Variants in KIF21A observed in about 807,000 individuals in gnomAD.
KIF21A encodes kinesin-like protein KIF21A.
In KIF21A, 114 loss-of-function variants were observed where a neutral mutation model predicts 202.9. The observed-to-expected ratio is 0.56, with a 90% CI of 0.48 to 0.66. KIF21A has a LOEUF of 0.66. KIF21A is among the 30% of genes least tolerant of loss of function. The probability of loss-of-function intolerance (pLI) is 0.00; values close to 1 mark genes in which losing one functional copy is unlikely to be tolerated. For synonymous variants in KIF21A, 667 were observed against 670.8 expected, an observed-to-expected ratio of 0.99 and a Z score of 0.09; for missense variants, 1,677 against 1,994.9, an observed-to-expected ratio of 0.84 and a Z score of 3.04.
intron 1 of KIF21A, among the ~76,000 whole-genome samples, chr12:39,413,731 G>T (rs1953304037): frequency 6.6e-6 from 1 of 152,102 alleles, no homozygotes; most frequent in Admixed American, 6.5e-5. Flanking sequence ...CTATGATTGT[G>T]CCACTGTACT....
intron 1 of KIF21A, among the ~76,000 whole-genome samples, chr12:39,385,946 C>G (rs562551571): frequency 6.6e-6 from 1 of 152,148 alleles, no homozygotes. Flanking sequence ...GGTTACTGTA[C>G]TTTACAATTA....
rs534007786 is a variant in KIF21A, at chr12:39,399,975, T to C, written c.45-29714A>G. ...AAGAAGGGGGATAAATTGCCACCATTTATCATTTATATATTTATTCTATTT... is the reference window on the plus strand; with the variant it reads ...AAGAAGGGGGATAAATTGCCACCATCTATCATTTATATATTTATTCTATTT... On this transcript the variant is annotated intron_variant, in intron 1 of 37. Coordinates refer to ENST00000361418, the MANE Select transcript of KIF21A (RefSeq NM_001173464.2). 4.6e-5 allele frequency among the ~76,000 whole-genome samples: 7 copies of C among 152,320 alleles called. No individual in the cohort carries two copies. In the South Asian group the frequency reaches 1.5e-3, roughly 32 times the overall value.
rs1224374976 is a variant in KIF21A, at chr12:39,307,875, C to T, written c.4278-146G>A. The T allele has an allele frequency of 5.9e-6, 4 of 682,138 alleles. No individual in the cohort carries two copies. The African/African-American group carries it at 7.1e-5, about 12-fold the overall frequency. 42.3% of individuals were successfully genotyped at this position (682,138 alleles called of 1,614,324 possible). ...ATATGTATACTACCTAGCACAGCAC[C>T]TAACACAGAGTTGGTGCATATAAAT... On this transcript the variant is annotated intron_variant, in intron 33 of 37. Transcript: ENST00000361418.
intron 1 of KIF21A, among the ~76,000 whole-genome samples, chr12:39,390,105 C>A (rs9668320): frequency 1.3e-5 from 2 of 152,134 alleles, no homozygotes; most frequent in African/African-American, 4.8e-5. Flanking sequence ...ATACACCTAA[C>A]CTCCTATATA....
intron 32 of KIF21A, among the ~76,000 whole-genome samples, 191 bp downstream of exon 32, chr12:39,311,226 A>C (rs1249048217): frequency 6.6e-6 from 1 of 152,060 alleles, no homozygotes; most frequent in Non-Finnish European, 1.5e-5. Flanking sequence ...TGTATTCACA[A>C]AACATCAACA....
chr12:39,335,730 A>T (rs1054545692), intron 17 of KIF21A, among the ~76,000 whole-genome samples: 3 of 152,244 alleles, frequency 2.0e-5, no homozygotes, highest in African/African-American at 7.2e-5. Flanking sequence ...ATATGTTAGA[A>T]TGTGCTTCTA....
chr12:39,401,166 A>G (rs889548743), intron 1 of KIF21A, among the ~76,000 whole-genome samples: 1 of 152,198 alleles, frequency 6.6e-6, no homozygotes, highest in African/African-American at 2.4e-5. Flanking sequence ...TAAGTACCAC[A>G]AAAGAGAATC....
chr12:39,367,731 T>A (rs1305375687), intron 4 of KIF21A, 152 bp downstream of exon 4: 2 of 641,740 alleles, frequency 3.1e-6, no homozygotes, highest in Non-Finnish European at 5.4e-6. Flanking sequence ...ATATTCTGAT[T>A]TTTTAAATGT....
At chr12:39,393,108 A>G (rs534145762) in intron 1 of KIF21A, among the ~76,000 whole-genome samples, 1 of 150,594 alleles carries the variant, frequency 6.6e-6, no homozygotes, top group African/African-American at 2.4e-5. Context: ...TCTTCTGAAG[A>G]TCCTTCAGCC....
At chr12:39,311,390 A>T in intron 32 of KIF21A, 27 bp downstream of exon 32, 1 of 1,602,036 alleles carries the variant, frequency 6.2e-7, no homozygotes, top group Non-Finnish European at 8.5e-7. Flanking sequence ...AAGCTATTAA[A>T]TATCTGCATT....
rs1014776876 is a variant in KIF21A at position 39,340,222 on chromosome 12, C to A, written c.2253G>T (p.Gln751His). The A allele has an allele frequency of 6.2e-7, 1 of 1,613,022 alleles. No homozygotes were observed. Among genetic ancestry groups the A allele is most frequent in the African/African-American group, 1.3e-5 (1 of 74,842 alleles). Residue 751 changes from glutamine (Q) to histidine (H), a missense_variant, in exon 16 of 38, where the codon CAG becomes CAT. Around this residue, in one of 3 missense-constraint regions of KIF21A, gnomAD observed 966 missense variants for 1,180.9 expected, o/e 0.82. Coordinates refer to ENST00000361418, the MANE Select transcript of KIF21A (RefSeq NM_001173464.2). ...GCAATTTCTTCAATTGCTTTTCATA[C>A]TGAGACTGATTTTTAAGCAACCTTG... ...EHARLLKNQS[Q>H]YEKQLKKLQQ...
chr12:39,325,952 T>C (rs76927060), intron 25 of KIF21A, 59 bp from the exon 26 acceptor site: 146,899 of 1,338,088 alleles, frequency 0.11, 8,243 homozygotes, highest in East Asian at 0.14. Context: ...TAGAAAACTA[T>C]AGCTCCTCTA....
intron 1 of KIF21A, among the ~76,000 whole-genome samples, chr12:39,438,080 C>T (rs983887818): frequency 6.6e-6 from 1 of 152,124 alleles, no homozygotes; most frequent in African/African-American, 2.4e-5. Flanking sequence ...AATTCTGTTA[C>T]TTAGTGGTGA....
At chr12:39,361,987 G>A (rs910745915) in intron 7 of KIF21A, among the ~76,000 whole-genome samples, 1 of 152,082 alleles carries the variant, frequency 6.6e-6, no homozygotes, top group African/African-American at 2.4e-5. Context: ...TTAGATGTTG[G>A]GGGCAAATTT....
Position 39,344,539 on chromosome 12 carries a change from T to C in KIF21A, c.1712+1927A>G, listed in dbSNP as rs561327238. On this transcript the variant is annotated intron_variant, in intron 12 of 37. Transcript: ENST00000361418. ...TTAAGTTTACAGCCATACAACCACC[T>C]TATTCCAAACATTTGACCCAACATA... Among the ~76,000 whole-genome samples the C allele has an allele frequency of 2.6e-4, 39 of 152,284 alleles. 1 individual carries two copies. The South Asian group carries it at 5.0e-3, about 19-fold the overall frequency.
intron 1 of KIF21A, among the ~76,000 whole-genome samples, chr12:39,412,535 G>C (rs1446770205): frequency 6.6e-6 from 1 of 152,062 alleles, no homozygotes; most frequent in East Asian, 1.9e-4. Context: ...CGGGCAACAT[G>C]GTGAAACCCT....
intron 1 of KIF21A, among the ~76,000 whole-genome samples, chr12:39,401,642 G>C (rs1407759114): frequency 6.6e-6 from 1 of 152,132 alleles, no homozygotes; most frequent in African/African-American, 2.4e-5. Context: ...AGGAACGCTT[G>C]GCTAAGTACC....
intron 1 of KIF21A, among the ~76,000 whole-genome samples, chr12:39,436,108 A>G (rs1938643681): frequency 6.6e-6 from 1 of 152,096 alleles, no homozygotes; most frequent in Non-Finnish European, 1.5e-5. Context: ...TAATGGGTTG[A>G]CAGTGAGCGA....
At chr12:39,378,196 T>C (rs1434507742) in intron 1 of KIF21A, among the ~76,000 whole-genome samples, 2 of 152,208 alleles carry the variant, frequency 1.3e-5, no homozygotes, top group African/African-American at 2.4e-5. Flanking sequence ...CATCTTCCTC[T>C]GACTTCCACT....
Sources: allele counts gnomAD v4.1 joint callset (sites outside exome capture counted in the v4.1 genomes callset), GRCh38; gene constraint gnomAD v4.1.1; regional missense constraint gnomAD v4.1.1; transcripts MANE v1.5; gene names NCBI Gene and HGNC (gene_info 2026-07-23, HGNC 2026-07-21).